The following LPP variants were observed in gnomAD, a reference collection of about 807,000 sequenced individuals.
The protein encoded by LPP is LIM domain containing preferred translocation partner in lipoma.
Under a neutral mutation model 60.4 loss-of-function variants are expected in LPP, and 38 were observed. That is an observed-to-expected ratio of 0.63 (90% CI 0.49 to 0.83). LPP has a LOEUF of 0.83. Ranked by LOEUF, LPP falls within the 40% of genes least tolerant of loss-of-function variation. The pLI is 0.00. For synonymous variants in LPP, 328 were observed against 290.8 expected (o/e 1.13, Z -1.30); for missense variants, 902 against 783.6 (o/e 1.15, Z -1.80).
rs529353442 is a variant in LPP at position 188,530,916 on chromosome 3, G to A, written c.429+6129G>A. ...CTAGAAGCTATGCAGGGGTTGGAAC[G>A]AAATTCTGTCTATTTCTTAGAAGAC... On this transcript the variant is annotated intron_variant, in intron 6 of 11. Transcript: ENST00000617246. Among the ~76,000 whole-genome samples the A allele has an allele frequency of 1.4e-4, 21 of 152,198 alleles. 1 individual carries two copies. The highest frequency in any genetic ancestry group is 2.2e-4 in the Non-Finnish European group (15 of 68,044).
At chr3:188,487,177 T>C (rs1283007221) in intron 5 of LPP, among the ~76,000 whole-genome samples, 1 of 152,214 alleles carries the variant, frequency 6.6e-6, no homozygotes, top group East Asian at 1.9e-4. Flanking sequence ...GAGTCCCGGT[T>C]TCCTCTTCAT....
intron 10 of LPP, among the ~76,000 whole-genome samples, chr3:188,871,722 AT>A (rs1249946481): frequency 6.6e-6 from 1 of 152,106 alleles, no homozygotes; most frequent in African/African-American, 2.4e-5. Flanking sequence ...ATAATATGTC[AT>A]TTCATACCTT....
chr3:188,595,251 T>C (rs1312252736), intron 6 of LPP, among the ~76,000 whole-genome samples: 1 of 152,184 alleles, frequency 6.6e-6, no homozygotes, highest in Non-Finnish European at 1.5e-5. Context: ...GTTGTCCTAA[T>C]TTAAAATTGT....
At position 188,888,076 on chromosome 3, in the gene LPP, A is replaced by C. The variant is rs1578141642; in HGVS notation, c.*13597A>C. On this transcript the variant is annotated 3_prime_UTR_variant, in exon 12 of 12. Transcript: ENST00000617246. ...GTGAAAATTTAAACTTAGACCTGAAACCTTTACAGTTGGATGTAGCGTTGA... is the reference window on the plus strand; with the variant it reads ...GTGAAAATTTAAACTTAGACCTGAACCCTTTACAGTTGGATGTAGCGTTGA... The C allele has an allele frequency of 4.6e-6, 1 of 219,210 alleles. No homozygotes were observed. The allele number at this position is 219,210 out of a possible 1,614,324, so 13.6% of individuals were successfully genotyped here.
intron 6 of LPP, among the ~76,000 whole-genome samples, chr3:188,590,567 G>T (rs769916047): frequency 6.6e-6 from 1 of 152,138 alleles, no homozygotes; most frequent in Non-Finnish European, 1.5e-5. Flanking sequence ...CAGCAAGGCT[G>T]TGTTTAAAAA....
chr3:188,214,953 ATAT>A (rs1221508357), intron 1 of LPP, among the ~76,000 whole-genome samples: 1 of 152,152 alleles, frequency 6.6e-6, no homozygotes, highest in Non-Finnish European at 1.5e-5. Flanking sequence ...ATTTTTTAAA[ATAT>A]TATTTTTAAT....
intron 4 of LPP, among the ~76,000 whole-genome samples, chr3:188,418,143 T>G (rs1268235177): frequency 6.6e-6 from 1 of 152,168 alleles, no homozygotes; most frequent in Non-Finnish European, 1.5e-5. Context: ...ATTATTATGG[T>G]TCCTAAAGAC....
intron 2 of LPP, chr3:188,239,776 T>C (rs539063011): frequency 1.4e-5 from 3 of 215,810 alleles, no homozygotes; most frequent in African/African-American, 6.8e-5. Flanking sequence ...ACTGCACTAT[T>C]AGTATTGATT....
intron 6 of LPP, among the ~76,000 whole-genome samples, chr3:188,525,634 A>G (rs922103067): frequency 6.6e-6 from 1 of 152,176 alleles, no homozygotes; most frequent in East Asian, 1.9e-4. Context: ...GCTACAGGGG[A>G]CATATTTGTG....
At chr3:188,777,626 G>A (rs1037480174) in intron 9 of LPP, among the ~76,000 whole-genome samples, 38 of 152,116 alleles carry the variant, frequency 2.5e-4, no homozygotes, top group African/African-American at 8.2e-4. Context: ...GTCTTTTCAC[G>A]TAGATTATGA....
At chr3:188,316,848 GC>G (rs1315508946) in intron 2 of LPP, among the ~76,000 whole-genome samples, 1 of 152,214 alleles carries the variant, frequency 6.6e-6, no homozygotes, top group African/African-American at 2.4e-5. Context: ...TTCTGTCTCT[GC>G]AGCTAGTGGT....
intron 4 of LPP, among the ~76,000 whole-genome samples, chr3:188,435,245 A>T (rs185257349): frequency 6.6e-6 from 1 of 152,322 alleles, no homozygotes; most frequent in Admixed American, 6.5e-5. Flanking sequence ...GTTGTAGGGA[A>T]TCAAAGAATG....
chr3:188,294,840 C>A (rs971188147), intron 2 of LPP, among the ~76,000 whole-genome samples: 1 of 152,188 alleles, frequency 6.6e-6, no homozygotes, highest in African/African-American at 2.4e-5. Flanking sequence ...TGATAATGAG[C>A]CCCAGAAAGA....
chr3:188,769,321 C>A (rs2150642866), intron 9 of LPP, among the ~76,000 whole-genome samples: 1 of 152,300 alleles, frequency 6.6e-6, no homozygotes, highest in East Asian at 1.9e-4. Flanking sequence ...ACTACACTCT[C>A]CTTTGCTAGT....
At chr3:188,661,575 C>T (rs901062481) in intron 7 of LPP, among the ~76,000 whole-genome samples, 2 of 152,158 alleles carry the variant, frequency 1.3e-5, no homozygotes, top group Non-Finnish European at 2.9e-5. Flanking sequence ...TATTTGCCAT[C>T]TGTATATCTT....
chr3:188,662,162 G>A (rs1854726582), intron 7 of LPP, among the ~76,000 whole-genome samples: 1 of 152,156 alleles, frequency 6.6e-6, no homozygotes, highest in Non-Finnish European at 1.5e-5. Flanking sequence ...TCCTAAACTG[G>A]AAGCTCCCTA....
At chr3:188,809,838 A>C (rs916104254) in intron 9 of LPP, among the ~76,000 whole-genome samples, 1 of 152,168 alleles carries the variant, frequency 6.6e-6, no homozygotes, top group Admixed American at 6.5e-5. Flanking sequence ...TATTTAATCC[A>C]TCTTGAATTA....
intron 2 of LPP, among the ~76,000 whole-genome samples, chr3:188,250,718 CTT>C (rs1728830906): frequency 7.1e-6 from 1 of 141,654 alleles, no homozygotes; most frequent in Admixed American, 7.1e-5. Context: ...TCTTTTCTTT[CTT>C]TCTCTCTTTC....
chr3:188,741,570 A>ATTTT (rs72066131), intron 8 of LPP, among the ~76,000 whole-genome samples: 4 of 143,788 alleles, frequency 2.8e-5, no homozygotes, highest in African/African-American at 7.6e-5. Context: ...CCTTTACTTC[A>ATTTT]TTTTTTTTTT....
Sources: allele counts gnomAD v4.1 joint callset (sites outside exome capture counted in the v4.1 genomes callset), GRCh38; gene constraint gnomAD v4.1.1; transcripts MANE v1.5; gene names NCBI Gene and HGNC (gene_info 2026-07-23, HGNC 2026-07-21).